The following NVL variants were observed in gnomAD, a reference collection of about 807,000 sequenced individuals.
NVL encodes nuclear VCP like.
Under a neutral mutation model 110.2 loss-of-function variants are expected in NVL, and 84 were observed. That is an observed-to-expected ratio of 0.76 (90% confidence interval 0.64 to 0.91). The LOEUF (loss-of-function observed/expected upper bound fraction) is 0.91, where lower values mean the gene tolerates loss of function less well. Among genes scored for constraint, NVL ranks in the 40% least tolerant of loss-of-function variants. NVL has a pLI of 0.00. For missense variants in NVL, 882 were observed against 1,035.9 expected (o/e 0.85, Z 2.04); for synonymous variants, 354 against 361.1 (o/e 0.98, Z 0.22).
intron 19 of NVL, among the ~76,000 whole-genome samples, chr1:224,237,847 G>A (rs1216222595): frequency 6.7e-6 from 1 of 150,260 alleles, no homozygotes; most frequent in Non-Finnish European, 1.5e-5. Flanking sequence ...CCAGCTACTC[G>A]GGACACTGAG....
At position 224,233,567 on chromosome 1, in the gene NVL, C is replaced by T. The variant is rs1326412181; in HGVS notation, c.2367-278G>A. 1.1e-4 allele frequency among the ~76,000 whole-genome samples: 16 copies of T among 151,932 alleles called. No homozygotes were observed. The East Asian group carries it at 3.1e-3, about 29-fold the overall frequency. On this transcript the variant is annotated intron_variant, in intron 20 of 22. Transcript: ENST00000281701. ...TTGAACAGGAGTTTGAGACTAGTCT[C>T]AGCAATATGGAGAAATGCCATATCT...
intron 13 of NVL, chr1:224,289,263 A>G: frequency 2.0e-6 from 1 of 499,326 alleles, no homozygotes; most frequent in Admixed American, 3.9e-5. Context: ...CCAGAATTTC[A>G]TAATCATTAT....
At chr1:224,281,052 A>G (rs1666258410) in intron 16 of NVL, 71 bp downstream of exon 16, 2 of 1,345,230 alleles carry the variant, frequency 1.5e-6, no homozygotes. Context: ...ATCTGAGAAC[A>G]TTTTACCCCG....
chr1:224,303,990 A>T, intron 8 of NVL, 133 bp from the exon 9 acceptor site: 3 of 966,864 alleles, frequency 3.1e-6, no homozygotes, highest in Non-Finnish European at 4.3e-6. Context: ...CAGACTTTGA[A>T]TCCTGGCTCT....
intron 18 of NVL, among the ~76,000 whole-genome samples, chr1:224,256,423 T>TAAAAAAAA (rs34959473): frequency 7.1e-4 from 54 of 75,654 alleles, no homozygotes; most frequent in Non-Finnish European, 9.2e-4. Context: ...AGGCTCCATC[T>TAAAAAAAA]AAAAAAAAAA....
chr1:224,249,801 A>G (rs1662262622), intron 19 of NVL, among the ~76,000 whole-genome samples: 2 of 152,088 alleles, frequency 1.3e-5, no homozygotes, highest in African/African-American at 4.8e-5. Context: ...TGGTGTGATC[A>G]CAGCTCCCTG....
chr1:224,279,129 T>C (rs1381996647), intron 16 of NVL, among the ~76,000 whole-genome samples: 2 of 152,110 alleles, frequency 1.3e-5, no homozygotes, highest in African/African-American at 2.4e-5. Context: ...TGCAAAGATA[T>C]ACATATATAA....
At chr1:224,276,674 A>G (rs1665792027) in intron 16 of NVL, among the ~76,000 whole-genome samples, 1 of 152,170 alleles carries the variant, frequency 6.6e-6, no homozygotes, top group South Asian at 2.1e-4. Flanking sequence ...TCTTTCCCTC[A>G]CATCCTTTTG....
chr1:224,322,240 C>G (rs1288455243), intron 2 of NVL, among the ~76,000 whole-genome samples: 2 of 145,962 alleles, frequency 1.4e-5, no homozygotes, highest in African/African-American at 2.6e-5. Context: ...GCATGCCACG[C>G]TAATTTTTTT....
chr1:224,247,793 G>C (rs1206816652), intron 19 of NVL, among the ~76,000 whole-genome samples: 1 of 152,170 alleles, frequency 6.6e-6, no homozygotes, highest in Non-Finnish European at 1.5e-5. Flanking sequence ...TTACAGGCCT[G>C]AGCCACCATG....
chr1:224,319,587 T>G (rs1670452926), intron 2 of NVL, among the ~76,000 whole-genome samples: 1 of 152,188 alleles, frequency 6.6e-6, no homozygotes, highest in Non-Finnish European at 1.5e-5. Context: ...TTTTAACTTG[T>G]AATAATCTCT....
intron 4 of NVL, 72 bp downstream of exon 4, chr1:224,317,622 A>G: frequency 2.2e-6 from 2 of 902,412 alleles, no homozygotes; most frequent in South Asian, 2.8e-5. Context: ...AGAGCCACTG[A>G]AAGTTTTACA....
intron 21 of NVL, 72 bp downstream of exon 21, chr1:224,233,129 T>C (rs1660081211): frequency 2.4e-6 from 3 of 1,275,924 alleles, no homozygotes. Context: ...CACTAGAAAA[T>C]GGTCATTTTC....
Position 224,268,771 on chromosome 1 carries a change from G to C in NVL, c.2083-638C>G, listed in dbSNP as rs555794463. Reference sequence around the variant, plus strand: ...TCTCCCAGGTTCAAGCAATTCTCCTGCCTCTGCCTCCCAAGTAGCTGGGAT... The same window carrying C: ...TCTCCCAGGTTCAAGCAATTCTCCTCCCTCTGCCTCCCAAGTAGCTGGGAT... On this transcript the variant is annotated intron_variant, in intron 17 of 22. Coordinates refer to ENST00000281701, the MANE Select transcript of NVL (RefSeq NM_002533.4). 5.9e-5 allele frequency among the ~76,000 whole-genome samples: 9 copies of C among 152,244 alleles called. No homozygotes were observed. In the South Asian group the frequency reaches 1.5e-3, roughly 25 times the overall value.
At position 224,330,166 on chromosome 1, in the gene NVL, C is replaced by A. The variant is rs368528078; in HGVS notation, c.-39G>T. 43 of 1,609,448 alleles carry A rather than the reference C, an allele frequency of 2.7e-5. No homozygotes were observed. In the African/African-American group the frequency reaches 3.6e-4, roughly 13 times the overall value. ...CAAGCCACAGCTCGGACCGCCAGCTCCTAGTCAACCGGGGGCCTCGTAGGG... is the reference window on the plus strand; with the variant it reads ...CAAGCCACAGCTCGGACCGCCAGCTACTAGTCAACCGGGGGCCTCGTAGGG... On this transcript the variant is annotated 5_prime_UTR_variant, in exon 1 of 23. Transcript: ENST00000281701.
chr1:224,269,727 C>T (rs1171877864), intron 17 of NVL: 1 of 150,288 alleles, frequency 6.7e-6, no homozygotes, highest in Non-Finnish European at 1.5e-5. Context: ...TGGTAATGGG[C>T]TTACCTCATT....
At chr1:224,271,795 G>A (rs1297616244) in intron 17 of NVL, among the ~76,000 whole-genome samples, 2 of 151,914 alleles carry the variant, frequency 1.3e-5, no homozygotes, top group Non-Finnish European at 2.9e-5. Flanking sequence ...GGCAGATCAC[G>A]AGGTCAGGAG....
chr1:224,272,444 G>T (rs1473553635), intron 17 of NVL, among the ~76,000 whole-genome samples: 3 of 152,068 alleles, frequency 2.0e-5, no homozygotes, highest in Admixed American at 2.0e-4. Flanking sequence ...ATAGCTGGGC[G>T]TAGTGGCTCA....
At chr1:224,269,089 T>C (rs1202376579) in intron 17 of NVL, among the ~76,000 whole-genome samples, 1 of 149,960 alleles carries the variant, frequency 6.7e-6, no homozygotes, top group East Asian at 1.9e-4. Flanking sequence ...ACTAACTTTT[T>C]TTTTTTTTTT....
Sources: gnomAD v4.1 joint callset for allele counts (sites outside exome capture counted in the v4.1 genomes callset) on GRCh38, gnomAD v4.1.1 for gene constraint, MANE v1.5 for transcripts, NCBI Gene and HGNC (gene_info 2026-07-23, HGNC 2026-07-21) for gene names.